PALS2: variants seen among roughly 807,000 people sequenced by gnomAD.
PALS2 encodes protein PALS2.
Under a neutral mutation model 61.6 loss-of-function variants are expected in PALS2, and 27 were observed. The ratio of observed to expected loss-of-function variants is 0.44; its 90% confidence interval spans 0.32 to 0.60. The LOEUF (loss-of-function observed/expected upper bound fraction) is 0.60. Ranked by LOEUF, PALS2 falls within the 20% of genes least tolerant of loss-of-function variation. The pLI is 0.05. For missense variants in PALS2, 554 were observed against 639.4 expected (o/e 0.87, Z 1.44); for synonymous variants, 236 against 218.6 (o/e 1.08, Z -0.70).
intron 1 of PALS2, among the ~76,000 whole-genome samples, chr7:24,603,446 C>T (rs148875433): frequency 4.9e-4 from 74 of 152,208 alleles, no homozygotes; most frequent in Middle Eastern, 3.4e-3. Context: ...TAGGGAAATC[C>T]TAGAAATGAG....
chr7:24,683,450 G>T (rs910218911), intron 11 of PALS2, among the ~76,000 whole-genome samples: 3 of 151,438 alleles, frequency 2.0e-5, no homozygotes, highest in Non-Finnish European at 4.4e-5. Flanking sequence ...CTGTTGCAGT[G>T]ATTATTTTTA....
chr7:24,646,087 G>A lies in PALS2; in HGVS notation c.271-3525G>A, dbSNP rs144744416. 3.6e-3 allele frequency among the ~76,000 whole-genome samples: 555 copies of A among 152,132 alleles called. 3 individuals are homozygous for A. The highest frequency in any genetic ancestry group is 0.02 in the Middle Eastern group (6 of 294). Reference sequence around the variant, plus strand: ...TGGGGTTTTCTATATATAGAATTACGTCATCTGCAAACAGAAATAGTTTGT... The same window carrying A: ...TGGGGTTTTCTATATATAGAATTACATCATCTGCAAACAGAAATAGTTTGT... On this transcript the variant is annotated intron_variant, in intron 3 of 11. Coordinates refer to ENST00000222644, the MANE Select transcript of PALS2 (RefSeq NM_001303037.2).
chr7:24,679,577 G>A (rs927348668), intron 10 of PALS2, among the ~76,000 whole-genome samples: 7 of 152,130 alleles, frequency 4.6e-5, no homozygotes, highest in Admixed American at 2.0e-4. Flanking sequence ...TACAATAGAA[G>A]TTTAGTATGT....
intron 1 of PALS2, among the ~76,000 whole-genome samples, chr7:24,623,432 G>A (rs534196463): frequency 1.4e-4 from 22 of 152,104 alleles, no homozygotes; most frequent in African/African-American, 5.1e-4. Context: ...GTGTAAGGTA[G>A]TCTGATAAAG....
In PALS2 at chr7:24,649,721, C is replaced by G; in HGVS notation, c.380C>G (p.Ala127Gly). 1.2e-6 allele frequency: 2 copies of G among 1,610,298 alleles called. No homozygotes were observed. Among genetic ancestry groups the G allele is most frequent in the Non-Finnish European group, 1.7e-6 (2 of 1,178,312 alleles). The change falls in exon 4 of 12, where the codon GCC (alanine) becomes GGC (glycine). Residue 127 changes from alanine to glycine, a missense_variant. By Grantham distance (60) the Ala-to-Gly change is moderately conservative. Coordinates refer to ENST00000222644, the MANE Select transcript of PALS2 (RefSeq NM_001303037.2). ...SINNQLLPVDAIRILGIHKRA... is the reference protein window; with the variant it reads ...SINNQLLPVDGIRILGIHKRA... Reference sequence around the variant, plus strand: ...AATAATCAGTTATTACCAGTAGATGCCATTCGTATTCTTGGTATTCACAAA... The same window carrying G: ...AATAATCAGTTATTACCAGTAGATGGCATTCGTATTCTTGGTATTCACAAA...
At chr7:24,667,976 A>T (rs1026521984) in intron 8 of PALS2, among the ~76,000 whole-genome samples, 1 of 151,916 alleles carries the variant, frequency 6.6e-6, no homozygotes, top group Non-Finnish European at 1.5e-5. Context: ...CGATTAGACA[A>T]ATTTTTAAGG....
intron 11 of PALS2, among the ~76,000 whole-genome samples, chr7:24,682,315 G>A (rs985067968): frequency 4.6e-5 from 7 of 152,218 alleles, no homozygotes; most frequent in Admixed American, 2.0e-4. Flanking sequence ...GCTTCAGGTC[G>A]TTGTACCAAT....
rs1788447965 is a variant in PALS2 at position 24,691,172 on chromosome 7, AAG to A, written c.*3560_*3561del. 3.2e-4 allele frequency: 49 copies of A among 151,960 alleles called. 1 individual carries two copies. Among genetic ancestry groups the A allele is most frequent in the Admixed American group, 3.2e-3 (49 of 15,244 alleles). The allele number at this position is 151,960 out of a possible 1,614,324, so 9.4% of individuals were successfully genotyped here. A position where few individuals can be genotyped will look rare whatever the true frequency, so the allele number is the denominator to read the frequency against. ...AAAATTATTTTGAATTGGCAAACTA[AAG>A]ATAACAATTTTGAAAATTGCTCAAA... On this transcript the variant is annotated 3_prime_UTR_variant, in exon 12 of 12. Transcript: ENST00000222644.
intron 2 of PALS2, among the ~76,000 whole-genome samples, chr7:24,628,348 G>A (rs1261214855): frequency 6.6e-6 from 1 of 152,040 alleles, no homozygotes; most frequent in East Asian, 1.9e-4. Context: ...AATAAACTAG[G>A]TATTGATGGA....
chr7:24,637,096 G>A (rs1426031701), intron 2 of PALS2, among the ~76,000 whole-genome samples: 3 of 151,884 alleles, frequency 2.0e-5, no homozygotes, highest in African/African-American at 7.2e-5. Context: ...TCCCTTTTCT[G>A]GTTTTTTGAC....
intron 1 of PALS2, among the ~76,000 whole-genome samples, chr7:24,614,334 C>T (rs1784217276): frequency 1.3e-5 from 2 of 151,512 alleles, no homozygotes; most frequent in South Asian, 4.2e-4. Flanking sequence ...AGATATACTA[C>T]TGATTTTTGT....
intron 1 of PALS2, among the ~76,000 whole-genome samples, chr7:24,619,519 C>A (rs1374790202): frequency 6.6e-6 from 1 of 151,934 alleles, no homozygotes; most frequent in Non-Finnish European, 1.5e-5. Context: ...GGATGGAGAC[C>A]ATCCTGGCTA....
chr7:24,651,946 C>G (rs1355656297), intron 5 of PALS2, among the ~76,000 whole-genome samples: 1 of 152,090 alleles, frequency 6.6e-6, no homozygotes, highest in Non-Finnish European at 1.5e-5. Flanking sequence ...GTAAATTGAA[C>G]TTATGAAAAT....
At position 24,623,780 on chromosome 7, in the gene PALS2, C is replaced by A; in HGVS notation, c.113C>A (p.Ala38Asp). ...IMENPIVKSL[A>D]KAHERLEDSK... ...GAGAATCCTATTGTAAAATCACTTG[C>A]TAAGGTATATAGATTTATTCATAAG... Residue 38 changes from alanine (A) to aspartate (D), a missense_variant, in exon 2 of 12, where the codon GCT (alanine) becomes GAT (aspartate). Coordinates refer to ENST00000222644, the MANE Select transcript of PALS2 (RefSeq NM_001303037.2). 1 of 1,533,248 alleles carries A rather than the reference C, an allele frequency of 6.5e-7. No homozygotes were observed. Among genetic ancestry groups the A allele is most frequent in the South Asian group, 1.2e-5 (1 of 85,262 alleles). 95.0% of individuals were successfully genotyped at this position (1,533,248 alleles called of 1,614,324 possible).
chr7:24,588,699 A>G (rs1783168071), intron 1 of PALS2, among the ~76,000 whole-genome samples: 1 of 152,248 alleles, frequency 6.6e-6, no homozygotes, highest in Admixed American at 6.5e-5. Flanking sequence ...TAACAGCTAC[A>G]TACAAAAAGA....
At chr7:24,583,276 AT>A (rs1171867749) in intron 1 of PALS2, among the ~76,000 whole-genome samples, 8 of 152,214 alleles carry the variant, frequency 5.3e-5, no homozygotes, top group South Asian at 2.1e-4. Context: ...GTAAAAAAAA[AT>A]GTAAGCCCTA....
intron 1 of PALS2, among the ~76,000 whole-genome samples, chr7:24,598,637 G>A (rs2128046373): frequency 6.6e-6 from 1 of 152,286 alleles, no homozygotes; most frequent in Middle Eastern, 3.4e-3. Flanking sequence ...GTTTCACTGA[G>A]TTAGGACCTC....
chr7:24,589,935 A>G (rs1270394637), intron 1 of PALS2, among the ~76,000 whole-genome samples: 1 of 152,170 alleles, frequency 6.6e-6, no homozygotes, highest in African/African-American at 2.4e-5. Flanking sequence ...TGACCTGAAC[A>G]CTACTCAGTG....
chr7:24,641,587 T>C (rs934685882), intron 2 of PALS2, 129 bp from the exon 3 acceptor site: 14 of 739,784 alleles, frequency 1.9e-5, no homozygotes, highest in East Asian at 2.9e-5. Context: ...GGTTGAAGTA[T>C]TAAATTTGGT....
Sources: gnomAD v4.1 joint callset for allele counts (sites outside exome capture counted in the v4.1 genomes callset) on GRCh38, gnomAD v4.1.1 for gene constraint, MANE v1.5 for transcripts, NCBI Gene and HGNC (gene_info 2026-07-23, HGNC 2026-07-21) for gene names.